Variants in CCDC107 observed in about 807,000 individuals in gnomAD.
The protein encoded by CCDC107 is coiled-coil domain containing 107, also known as coiled-coil domain-containing protein 107.
In CCDC107, 17 loss-of-function variants were observed where a neutral mutation model predicts 17.9. The observed-to-expected ratio is 0.95, with a 90% CI of 0.65 to 1.42. CCDC107 has a LOEUF of 1.42. Among genes scored for constraint, CCDC107 ranks in the 40% most tolerant of loss-of-function variants. The probability of loss-of-function intolerance (pLI) is 0.00; values close to 1 mark genes in which losing one functional copy is unlikely to be tolerated. For missense variants in CCDC107, 388 were observed against 360.1 expected (o/e 1.08, Z -0.63); for synonymous variants, 170 against 157.2 (o/e 1.08, Z -0.61).
intron 2 of CCDC107, 196 bp downstream of exon 2, chr9:35,658,923 G>A (rs1044599858): frequency 1.1e-5 from 5 of 445,890 alleles, no homozygotes; most frequent in African/African-American, 8.2e-5. Flanking sequence ...GGGAGGTAAC[G>A]GATGTGAAGA....
chr9:35,658,820 G>C, intron 2 of CCDC107, 93 bp downstream of exon 2: 1 of 715,686 alleles, frequency 1.4e-6, no homozygotes, highest in Admixed American at 3.3e-5. Context: ...GGGGGTGCCA[G>C]GGTACCAAGA....
Position 35,660,599 on chromosome 9 carries a change from A to G in CCDC107, c.362A>G (p.Glu121Gly). The G allele has an allele frequency of 6.2e-7, 1 of 1,614,174 alleles. No individual in the cohort carries two copies. The change falls in exon 4 of 5, where the codon GAG becomes GGG. Residue 121 changes from glutamate to glycine, a missense_variant. Transcript: ENST00000426546. Reference sequence around the variant, plus strand: ...TTGACACAACAGCTGGCCCAGACAGAGCAGCACCTGAACAACCTGATGGCC... The same window carrying G: ...TTGACACAACAGCTGGCCCAGACAGGGCAGCACCTGAACAACCTGATGGCC... ...AQLTQQLAQT[E>G]QHLNNLMAQL...
In CCDC107 at chr9:35,660,314, G is replaced by T. The variant is rs569771089; in HGVS notation, c.259-87G>T. 2.4e-5 allele frequency: 28 copies of T among 1,148,416 alleles called. No homozygotes were observed. In the African/African-American group the frequency reaches 3.9e-4, roughly 16 times the overall value. 71.1% of individuals were successfully genotyped at this position (1,148,416 alleles called of 1,614,324 possible). A position where few individuals can be genotyped will look rare whatever the true frequency, so the allele number is the denominator to read the frequency against. ...CCAATCACTGTCTCCATCTCAAATT[G>T]CACTCTCTCTTGGCTGGCTCTGGAG... On this transcript the variant is annotated intron_variant, in intron 2 of 4. Transcript: ENST00000426546.
rs1247832704 is a variant in CCDC107, at chr9:35,660,946, G to A, written c.611G>A (p.Ser204Asn). The A allele has an allele frequency of 1.2e-6, 2 of 1,614,214 alleles. No individual in the cohort carries two copies. Among genetic ancestry groups the A allele is most frequent in the Non-Finnish European group, 1.7e-6 (2 of 1,180,042 alleles). ...TFLISPHTEA[S>N]RPLPEDFCLK... is the part of the protein sequence containing the mutation. ...CTGATCTCTCCCCACACAGAGGCCAGCAGACCTCTTCCTGAGGACTTCTGT... is the reference window on the plus strand; with the variant it reads ...CTGATCTCTCCCCACACAGAGGCCAACAGACCTCTTCCTGAGGACTTCTGT... The change falls in exon 5 of 5, where the codon AGC (serine) becomes AAC (asparagine). Residue 204 changes from serine (S) to asparagine (N), a missense_variant. Transcript: ENST00000426546.
chr9:35,658,710 C>T lies in CCDC107; in HGVS notation c.241C>T (p.Leu81=). The T allele has an allele frequency of 1.3e-6, 2 of 1,558,240 alleles. No homozygotes were observed. The highest frequency in any genetic ancestry group is 8.6e-7 in the Non-Finnish European group (1 of 1,158,202). ...CACCGCGGCCGTCGCGGCTTTTGTG[C>T]TGTACAAGTGTTTGCAGGTACGGGG... ...LYTAAVAAFV[L]YKCLQGKDET... Residue 81 remains leucine, a synonymous_variant, in exon 2 of 5, where the codon CTG becomes TTG. Coordinates refer to ENST00000426546, the MANE Select transcript of CCDC107 (RefSeq NM_174923.3).
Position 35,658,715 on chromosome 9 carries a change from C to G in CCDC107, c.246C>G (p.Tyr82Ter), listed in dbSNP as rs775757688. ...YTAAVAAFVLYKCLQGKDETA... is the reference protein window; with the variant it reads ...YTAAVAAFVL ...CGGCCGTCGCGGCTTTTGTGCTGTACAAGTGTTTGCAGGTACGGGGCGGCC... is the reference window on the plus strand; with the variant it reads ...CGGCCGTCGCGGCTTTTGTGCTGTAGAAGTGTTTGCAGGTACGGGGCGGCC... The change falls in exon 2 of 5, where the codon TAC (tyrosine) becomes TAG (stop). Residue 82 changes from tyrosine to a stop codon, truncating the protein, a stop_gained. Transcript: ENST00000426546. LOFTEE classifies it high-confidence loss of function. 4.6e-6 allele frequency: 7 copies of G among 1,528,330 alleles called. No homozygotes were observed. Among genetic ancestry groups the G allele is most frequent in the Non-Finnish European group, 6.1e-6 (7 of 1,143,678 alleles). The allele number at this position is 1,528,330 out of a possible 1,614,324, so 94.7% of individuals were successfully genotyped here.
At chr9:35,660,330 G>A (rs1823848916) in intron 2 of CCDC107, 71 bp from the exon 3 acceptor site, 1 of 1,338,902 alleles carries the variant, frequency 7.5e-7, no homozygotes, top group African/African-American at 1.5e-5. Flanking sequence ...TCTCTTGGCT[G>A]GCTCTGGAGA....
intron 2 of CCDC107, chr9:35,659,837 T>TA (rs778835864): frequency 1.3e-5 from 2 of 152,734 alleles, no homozygotes; most frequent in Non-Finnish European, 2.9e-5. Flanking sequence ...ATGAACTGTC[T>TA]AACAACCAAA....
intron 2 of CCDC107, chr9:35,659,066 C>T (rs1272943836): frequency 4.6e-6 from 1 of 218,778 alleles, no homozygotes; most frequent in East Asian, 8.9e-5. Context: ...TAGCAGTGTC[C>T]ATGCTACAAG....
Position 35,661,431 on chromosome 9 carries a change from G to A in CCDC107, c.*244G>A, listed in dbSNP as rs886456463. On this transcript the variant is annotated 3_prime_UTR_variant, in exon 5 of 5. Transcript: ENST00000426546. The stretch of plus-strand genomic sequence containing the variant: ...CTCATAGCAAAACTGAGACAGAAGG[G>A]TCTTTCCCAAAAAAAAGAAAAAAAA... 27 of 452,034 alleles carry A rather than the reference G, an allele frequency of 6.0e-5. No homozygotes were observed. Among genetic ancestry groups the A allele is most frequent in the Non-Finnish European group, 2.7e-5 (7 of 257,670 alleles). The allele number at this position is 452,034 out of a possible 1,614,324, so 28.0% of individuals were successfully genotyped here. A position where few individuals can be genotyped will look rare whatever the true frequency, so the allele number is the denominator to read the frequency against.
In CCDC107 at chr9:35,660,799, C is replaced by T; in HGVS notation, c.464C>T (p.Thr155Ile). The T allele has an allele frequency of 6.2e-7, 1 of 1,614,102 alleles. No individual in the cohort carries two copies. ...GAGCTTCTGAACATGAAGCTATGGA[C>T]CATCCACGAGCTGCTGCAAGATAGC... ...QQELLNMKLWTIHELLQDSKP... is the reference protein window; with the variant it reads ...QQELLNMKLWIIHELLQDSKP... The change falls in exon 5 of 5, where the codon ACC becomes ATC. Residue 155 changes from threonine to isoleucine, a missense_variant. Thr to Ile is a moderately conservative substitution (Grantham distance 89). Transcript: ENST00000426546.
At chr9:35,660,318 T>C in intron 2 of CCDC107, 83 bp from the exon 3 acceptor site, 1 of 1,223,106 alleles carries the variant, frequency 8.2e-7, no homozygotes, top group East Asian at 2.4e-5. Context: ...CAAATTGCAC[T>C]CTCTCTTGGC....
chr9:35,658,514 T>G, intron 1 of CCDC107, 29 bp downstream of exon 1: 1 of 1,506,830 alleles, frequency 6.6e-7, no homozygotes, highest in East Asian at 2.7e-5. Flanking sequence ...GGAGGAGGGC[T>G]GGGACTGCGC....
At chr9:35,660,311 A>AT in intron 2 of CCDC107, 90 bp from the exon 3 acceptor site, 2 of 1,134,636 alleles carry the variant, frequency 1.8e-6, no homozygotes, top group Non-Finnish European at 2.5e-6. Context: ...TCCATCTCAA[A>AT]TTGCACTCTC....
Position 35,658,664 on chromosome 9 carries a change from G to C in CCDC107, c.195G>C (p.Ser65=). The change falls in exon 2 of 5, where the codon TCG becomes TCC. Residue 65 remains serine (S), a synonymous_variant. Transcript: ENST00000426546. ...KDQRERTRAG[S]LPLGALYTAA... ...AACGCGAGCGGACCCGGGCCGGGTC[G>C]CTGCCTCTGGGGGCGCTGTACACCG... is the stretch of plus-strand genomic sequence containing the variant. The C allele has an allele frequency of 6.4e-7, 1 of 1,572,730 alleles. No individual in the cohort carries two copies. Among genetic ancestry groups the C allele is most frequent in the African/African-American group, 1.4e-5 (1 of 72,244 alleles).
chr9:35,660,782 G>T lies in CCDC107; in HGVS notation c.447G>T (p.Leu149=). 1 of 1,614,068 alleles carries T rather than the reference G, an allele frequency of 6.2e-7. No individual in the cohort carries two copies. The highest frequency in any genetic ancestry group is 1.1e-5 in the South Asian group (1 of 91,064). ...TGGCTGGAGCCCAGCAGGAGCTTCT[G>T]AACATGAAGCTATGGACCATCCACG... The part of the protein sequence containing the change: ...TTLAGAQQEL[L]NMKLWTIHEL... The change falls in exon 5 of 5, where the codon CTG becomes CTT. Residue 149 remains leucine, a synonymous_variant. Coordinates refer to ENST00000426546, the MANE Select transcript of CCDC107 (RefSeq NM_174923.3).
chr9:35,658,406 T>C lies in CCDC107; in HGVS notation c.27T>C (p.Gly9=). The change falls in exon 1 of 5, where the codon GGT becomes GGC. Residue 9 remains glycine (G), a synonymous_variant. Coordinates refer to ENST00000426546, the MANE Select transcript of CCDC107 (RefSeq NM_174923.3). ...TGGCGGGCGCAGTTTCGCTCTTGGGTGTGGTGGGGCTGCTGCTTGTGTCTG... is the reference window on the plus strand; with the variant it reads ...TGGCGGGCGCAGTTTCGCTCTTGGGCGTGGTGGGGCTGCTGCTTGTGTCTG... MAGAVSLL[G]VVGLLLVSAL... The C allele has an allele frequency of 7.0e-7, 1 of 1,431,096 alleles. No individual in the cohort carries two copies. Among genetic ancestry groups the C allele is most frequent in the Non-Finnish European group, 9.2e-7 (1 of 1,090,692 alleles). The allele number at this position is 1,431,096 out of a possible 1,614,324, so 88.6% of individuals were successfully genotyped here.
chr9:35,661,003 G>A lies in CCDC107; in HGVS notation c.668G>A (p.Ser223Asn), dbSNP rs1440372481. 6.2e-6 allele frequency: 10 copies of A among 1,613,138 alleles called. No individual in the cohort carries two copies. Among genetic ancestry groups the A allele is most frequent in the Non-Finnish European group, 8.5e-6 (10 of 1,179,976 alleles). ...LKEDEEEIGD[S>N]QAWEEPTNWS... The stretch of plus-strand genomic sequence containing the variant: ...GAGGACGAGGAGGAGATTGGTGACA[G>A]TCAGGCCTGGGAGGAGCCCACAAAC... The change falls in exon 5 of 5, where the codon AGT becomes AAT. Residue 223 changes from serine to asparagine, a missense_variant. Transcript: ENST00000426546.
At position 35,660,418 on chromosome 9, in the gene CCDC107, G is replaced by T; in HGVS notation, c.276G>T (p.Ala92=). 1.9e-6 allele frequency: 3 copies of T among 1,608,212 alleles called. No homozygotes were observed. Among genetic ancestry groups the T allele is most frequent in the Non-Finnish European group, 2.5e-6 (3 of 1,177,188 alleles). Residue 92 remains alanine, a synonymous_variant, in exon 3 of 5, where the codon GCG becomes GCT. Transcript: ENST00000426546. ...YKCLQGKDET[A]VLHEEASKQQ... ...CACAACAGGGGAAAGATGAAACTGCGGTTCTCCACGAGGAGGCAAGCAAGC... is the reference window on the plus strand; with the variant it reads ...CACAACAGGGGAAAGATGAAACTGCTGTTCTCCACGAGGAGGCAAGCAAGC...
Sources: allele counts gnomAD v4.1 joint callset, GRCh38; gene constraint gnomAD v4.1.1; transcripts MANE v1.5; gene names NCBI Gene and HGNC (gene_info 2026-07-23, HGNC 2026-07-21).